The following GCNT2 variants were observed in gnomAD, a reference collection of about 807,000 sequenced individuals.
The protein encoded by GCNT2 is glucosaminyl (N-acetyl) transferase 2 (I blood group), also known as N-acetyllactosaminide beta-1,6-N-acetylglucosaminyl-transferase.
GCNT2 carries 34 observed loss-of-function variants against 34.2 expected under a neutral mutation model. That is an observed-to-expected ratio of 1.00 (90% CI 0.76 to 1.32). The LOEUF (loss-of-function observed/expected upper bound fraction) is 1.32, where lower values mean the gene tolerates loss of function less well. GCNT2 is among the 40% of genes most tolerant of loss of function. GCNT2 has a pLI of 0.00. For missense variants in GCNT2, 584 were observed against 489.4 expected, an observed-to-expected ratio of 1.19 and a Z score of -1.82; for synonymous variants, 212 against 188.0, an observed-to-expected ratio of 1.13 and a Z score of -1.04.
At chr6:10,582,926 A>G (rs1764185806) in intron 3 of GCNT2, among the ~76,000 whole-genome samples, 1 of 152,078 alleles carries the variant, frequency 6.6e-6, no homozygotes, top group Non-Finnish European at 1.5e-5. Flanking sequence ...AATAAGAGCC[A>G]CTGTTCTTTA....
chr6:10,537,284 C>T (rs1761804678), intron 3 of GCNT2, among the ~76,000 whole-genome samples: 1 of 152,216 alleles, frequency 6.6e-6, no homozygotes, highest in South Asian at 2.1e-4. Context: ...TTCTGTGGCT[C>T]ACACTCTATC....
intron 3 of GCNT2, among the ~76,000 whole-genome samples, chr6:10,601,082 G>A (rs1178446578): frequency 6.6e-6 from 1 of 152,090 alleles, no homozygotes; most frequent in Non-Finnish European, 1.5e-5. Context: ...ATGAACCACC[G>A]CTCCCAGCCC....
rs375575478 is a variant in GCNT2, at chr6:10,529,758, G to T, written c.847G>T (p.Ala283Ser). ...TAACTTCGTCCTCCAAGACCAGCTCGCACTTGACTTACTCTCCTGGTCCAA... is the reference window on the plus strand; with the variant it reads ...TAACTTCGTCCTCCAAGACCAGCTCTCACTTGACTTACTCTCCTGGTCCAA... Reference protein sequence around the residue: ...FANFVLQDQLALDLLSWSKDT... With the variant: ...FANFVLQDQLSLDLLSWSKDT... Residue 283 changes from alanine to serine, a missense_variant, in exon 3 of 5, where the codon GCA (alanine) becomes TCA (serine). Transcript: ENST00000495262. 2 of 1,614,110 alleles carry T rather than the reference G, an allele frequency of 1.2e-6. No individual in the cohort carries two copies. The highest frequency in any genetic ancestry group is 1.3e-5 in the African/African-American group (1 of 75,030).
intron 3 of GCNT2, among the ~76,000 whole-genome samples, chr6:10,613,088 C>T (rs969474912): frequency 6.6e-6 from 1 of 152,128 alleles, no homozygotes; most frequent in African/African-American, 2.4e-5. Context: ...TATATGTGAG[C>T]TTAAATAATA....
At chr6:10,537,711 A>C (rs1328755208) in intron 3 of GCNT2, among the ~76,000 whole-genome samples, 13 of 55,520 alleles carry the variant, frequency 2.3e-4, no homozygotes, top group Non-Finnish European at 3.4e-4. Context: ...AAAAAAAAAA[A>C]AAAAAAAAAA....
At chr6:10,541,213 G>A (rs1186072939) in intron 3 of GCNT2, among the ~76,000 whole-genome samples, 1 of 152,078 alleles carries the variant, frequency 6.6e-6, no homozygotes, top group African/African-American at 2.4e-5. Context: ...TCCCTTGCAT[G>A]TGTCCATAAG....
intron 3 of GCNT2, among the ~76,000 whole-genome samples, chr6:10,578,074 A>G (rs9460887): frequency 0.029 from 4,464 of 152,120 alleles, 194 homozygotes; most frequent in African/African-American, 0.098. Context: ...TCTGCTCTGC[A>G]CTGCTATTTT....
intron 3 of GCNT2, among the ~76,000 whole-genome samples, chr6:10,537,839 G>A (rs372121895): frequency 4.6e-5 from 7 of 151,510 alleles, no homozygotes; most frequent in Non-Finnish European, 5.9e-5. Flanking sequence ...TTAGCCTACC[G>A]ATGGGCAAAA....
chr6:10,620,031 T>C (rs182870054), intron 3 of GCNT2, among the ~76,000 whole-genome samples: 14 of 152,344 alleles, frequency 9.2e-5, no homozygotes, highest in Admixed American at 9.1e-4. Flanking sequence ...CTCACCCAGA[T>C]AATTCAGGAT....
chr6:10,591,647 C>CCG (rs1764647541), intron 3 of GCNT2, among the ~76,000 whole-genome samples: 1 of 152,180 alleles, frequency 6.6e-6, no homozygotes, highest in African/African-American at 2.4e-5. Flanking sequence ...TGAGTTTCTT[C>CCG]CACACCTGCC....
intron 3 of GCNT2, among the ~76,000 whole-genome samples, chr6:10,577,014 G>C (rs56863066): frequency 0.04 from 6,097 of 152,246 alleles, 403 homozygotes; most frequent in African/African-American, 0.14. Context: ...GGAGTTCAAG[G>C]CTGCAGTGAG....
At chr6:10,557,130 G>A in intron 3 of GCNT2, 1 of 1,554,020 alleles carries the variant, frequency 6.4e-7, no homozygotes, top group Non-Finnish European at 8.7e-7. Context: ...GAGCACCTGG[G>A]CAAAGAGCTT....
chr6:10,554,920 AGCGACAGT>A (rs3834294), intron 3 of GCNT2, among the ~76,000 whole-genome samples: 1 of 152,306 alleles, frequency 6.6e-6, no homozygotes, highest in East Asian at 1.9e-4. Context: ...GAAGAATGGA[AGCGACAGT>A]GTGCTCAGGA....
In GCNT2 at chr6:10,528,947, G is replaced by GTCTCTTA. The variant is rs1761333123; in HGVS notation, c.42_48dup (p.Ala17TyrfsTer13). Reference sequence around the variant, plus strand: ...CTTGGAAGCACTGTCTTTTTAGCGCGTCTCTTATCTCTGCCCTGATTTTTG... The same window carrying GTCTCTTA: ...CTTGGAAGCACTGTCTTTTTAGCGCGTCTCTTATCTCTTATCTCTGCCCTGATTTTTG... On this transcript the variant is annotated frameshift_variant, in exon 3 of 5. Transcript: ENST00000495262. LOFTEE classifies it high-confidence loss of function. 3 of 1,613,900 alleles carry GTCTCTTA rather than the reference G, an allele frequency of 1.9e-6. No individual in the cohort carries two copies. In the East Asian group the frequency reaches 6.7e-5, roughly 36 times the overall value.
intron 3 of GCNT2, among the ~76,000 whole-genome samples, chr6:10,536,327 A>T (rs760819928): frequency 6.6e-5 from 10 of 151,632 alleles, no homozygotes; most frequent in Non-Finnish European, 1.0e-4. Context: ...CTGTTTTTTT[A>T]TATCTGCCAG....
intron 3 of GCNT2, among the ~76,000 whole-genome samples, chr6:10,551,550 A>G (rs1377756261): frequency 3.3e-5 from 5 of 151,050 alleles, no homozygotes; most frequent in Non-Finnish European, 7.4e-5. Flanking sequence ...GATTCAAGCA[A>G]TTCTCTGCCT....
chr6:10,549,129 CA>C (rs1167396483), intron 3 of GCNT2, among the ~76,000 whole-genome samples: 2 of 152,098 alleles, frequency 1.3e-5, no homozygotes, highest in East Asian at 1.9e-4. Context: ...GGGTAGAGGC[CA>C]GGGGTGCCCC....
At chr6:10,566,585 C>T (rs146819361) in intron 3 of GCNT2, among the ~76,000 whole-genome samples, 4 of 152,322 alleles carry the variant, frequency 2.6e-5, no homozygotes, top group South Asian at 2.1e-4. Context: ...TGAGCCACTG[C>T]GCCCAACCAT....
chr6:10,591,588 G>A (rs1170953232), intron 3 of GCNT2, among the ~76,000 whole-genome samples: 2 of 152,128 alleles, frequency 1.3e-5, no homozygotes, highest in Non-Finnish European at 2.9e-5. Flanking sequence ...CACAGCAGGC[G>A]GCGTATGCAG....
Sources: gnomAD v4.1 joint callset for allele counts (sites outside exome capture counted in the v4.1 genomes callset) on GRCh38, gnomAD v4.1.1 for gene constraint, MANE v1.5 for transcripts, NCBI Gene and HGNC (gene_info 2026-07-23, HGNC 2026-07-21) for gene names.